ADAMTS6: variants seen among roughly 807,000 people sequenced by gnomAD.
ADAMTS6 encodes ADAM metallopeptidase with thrombospondin type 1 motif 6.
ADAMTS6 carries 23 observed loss-of-function variants against 144.3 expected under a neutral mutation model. The ratio of observed to expected loss-of-function variants is 0.16; its 90% CI spans 0.11 to 0.23. ADAMTS6 has a LOEUF of 0.23. Ranked by LOEUF, ADAMTS6 falls within the 10% of genes least tolerant of loss-of-function variation. The pLI, the probability that ADAMTS6 is intolerant of heterozygous loss-of-function variation, is 1.00. For missense variants in ADAMTS6, 999 were observed against 1,379.6 expected, an observed-to-expected ratio of 0.72 and a Z score of 4.37; for synonymous variants, 444 against 457.5, an observed-to-expected ratio of 0.97 and a Z score of 0.38.
chr5:65,215,183 C>T, intron 19 of ADAMTS6, 141 bp downstream of exon 19: 2 of 1,109,902 alleles, frequency 1.8e-6, no homozygotes, highest in South Asian at 1.6e-5. Context: ...CTGCACAGCT[C>T]TAACACCCTT....
At chr5:65,458,955 CCTATG>C (rs1391290691) in intron 4 of ADAMTS6, among the ~76,000 whole-genome samples, 2 of 152,092 alleles carry the variant, frequency 1.3e-5, no homozygotes, top group Admixed American at 6.5e-5. Flanking sequence ...GGTAATTCGT[CCTATG>C]CTATATCAAA....
At position 65,389,079 on chromosome 5, in the gene ADAMTS6, C is replaced by T. The variant is rs6875724; in HGVS notation, c.1074-54994G>A. Among the ~76,000 whole-genome samples, 949 of 152,276 alleles carry T rather than the reference C, an allele frequency of 6.2e-3. 15 individuals carry two copies. The highest frequency in any genetic ancestry group is 0.022 in the African/African-American group (910 of 41,568). On this transcript the variant is annotated intron_variant, in intron 7 of 24. Coordinates refer to ENST00000381055, the MANE Select transcript of ADAMTS6 (RefSeq NM_197941.4). ...ATTAGCCGGGCGTGGTGGCGGACGC[C>T]TGTAGTCCCAGCTACTCGCGAGGCT... is the stretch of plus-strand genomic sequence containing the variant.
chr5:65,185,768 T>G (rs1192749865), intron 22 of ADAMTS6, among the ~76,000 whole-genome samples: 1 of 152,216 alleles, frequency 6.6e-6, no homozygotes, highest in Non-Finnish European at 1.5e-5. Flanking sequence ...TATGTGAAGT[T>G]GAATTCTGAA....
At chr5:65,208,262 C>T (rs755438701) in intron 20 of ADAMTS6, among the ~76,000 whole-genome samples, 21 of 152,192 alleles carry the variant, frequency 1.4e-4, no homozygotes, top group Admixed American at 2.6e-4. Context: ...TCAACCGGGG[C>T]TGTATGTTAG....
chr5:65,481,284 G>C (rs965747094), intron 1 of ADAMTS6, 59 bp downstream of exon 1: 1 of 145,570 alleles, frequency 6.9e-6, no homozygotes, highest in Non-Finnish European at 1.5e-5. Context: ...GACAAGCAAA[G>C]CACAAGTTGT....
rs538035647 is a variant in ADAMTS6 at position 65,388,932 on chromosome 5, G to A, written c.1074-54847C>T. Among the ~76,000 whole-genome samples the A allele has an allele frequency of 3.2e-3, 487 of 152,304 alleles. 3 individuals are homozygous for A. Among genetic ancestry groups the A allele is most frequent in the African/African-American group, 0.011 (465 of 41,568 alleles). On this transcript the variant is annotated intron_variant, in intron 7 of 24. Coordinates refer to ENST00000381055, the MANE Select transcript of ADAMTS6 (RefSeq NM_197941.4). ...ATAGAAATGAAGGTTTCCAGGCCGG[G>A]CGCAGTGGCTCAAGCCTGTAATCCC...
intron 20 of ADAMTS6, among the ~76,000 whole-genome samples, chr5:65,198,200 C>T (rs1313629714): frequency 6.6e-6 from 1 of 152,138 alleles, no homozygotes; most frequent in Non-Finnish European, 1.5e-5. Context: ...CCCCACTCAC[C>T]CACCCCATCT....
At position 65,417,815 on chromosome 5, in the gene ADAMTS6, G is replaced by T. The variant is rs568056480; in HGVS notation, c.1073+33660C>A. Reference sequence around the variant, plus strand: ...GCCATACTGCCCAAAGCAATCTATGGATTCAATGCTATTCCTATCAAACTA... The same window carrying T: ...GCCATACTGCCCAAAGCAATCTATGTATTCAATGCTATTCCTATCAAACTA... On this transcript the variant is annotated intron_variant, in intron 7 of 24. Coordinates refer to ENST00000381055, the MANE Select transcript of ADAMTS6 (RefSeq NM_197941.4). Among the ~76,000 whole-genome samples the T allele has an allele frequency of 5.2e-3, 795 of 152,236 alleles. 2 individuals carry two copies. The highest frequency in any genetic ancestry group is 8.2e-3 in the Non-Finnish European group (560 of 68,022).
At chr5:65,208,205 A>ATT (rs1167871269) in intron 20 of ADAMTS6, among the ~76,000 whole-genome samples, 1 of 152,178 alleles carries the variant, frequency 6.6e-6, no homozygotes, top group Non-Finnish European at 1.5e-5. Context: ...CTGAATGTTA[A>ATT]TTTTTTGAAG....
At chr5:65,430,535 C>T (rs902108259) in intron 7 of ADAMTS6, among the ~76,000 whole-genome samples, 14 of 152,124 alleles carry the variant, frequency 9.2e-5, no homozygotes, top group Non-Finnish European at 1.6e-4. Context: ...CAGACAAGAC[C>T]TATAAACTTT....
At chr5:65,460,427 A>G in intron 3 of ADAMTS6, 89 bp from the exon 4 acceptor site, 3 of 1,227,280 alleles carry the variant, frequency 2.4e-6, no homozygotes, top group Non-Finnish European at 3.4e-6. Context: ...GTAAATGGAC[A>G]CTTCTCCATT....
Position 65,253,151 on chromosome 5 carries a change from G to C in ADAMTS6, c.1830+7449C>G, listed in dbSNP as rs186903683. On this transcript the variant is annotated intron_variant, in intron 14 of 24. Coordinates refer to ENST00000381055, the MANE Select transcript of ADAMTS6 (RefSeq NM_197941.4). ...GATCCACCCGCCTCCGCCTCCCAAAGTGCTGGGATTGATTACAGCTGTGAG... is the reference window on the plus strand; with the variant it reads ...GATCCACCCGCCTCCGCCTCCCAAACTGCTGGGATTGATTACAGCTGTGAG... Among the ~76,000 whole-genome samples the C allele has an allele frequency of 1.0e-3, 155 of 152,240 alleles. No homozygotes were observed. In the East Asian group the frequency reaches 0.011, roughly 11 times the overall value.
intron 24 of ADAMTS6, among the ~76,000 whole-genome samples, chr5:65,158,232 G>T (rs1436124251): frequency 6.6e-6 from 1 of 152,054 alleles, no homozygotes; most frequent in Non-Finnish European, 1.5e-5. Flanking sequence ...AATACATCAG[G>T]TTCCACATTA....
chr5:65,224,146 A>C (rs551185114), intron 18 of ADAMTS6, among the ~76,000 whole-genome samples, 174 bp downstream of exon 18: 1 of 152,006 alleles, frequency 6.6e-6, no homozygotes, highest in South Asian at 2.1e-4. Flanking sequence ...TAAGCTATAA[A>C]CTCTAATTTT....
intron 7 of ADAMTS6, among the ~76,000 whole-genome samples, chr5:65,429,984 T>G (rs1025171941): frequency 6.6e-6 from 1 of 152,108 alleles, no homozygotes; most frequent in Non-Finnish European, 1.5e-5. Context: ...AAAATTATAT[T>G]TACTAATCTG....
intron 15 of ADAMTS6, among the ~76,000 whole-genome samples, chr5:65,233,698 T>C (rs761736849): frequency 2.0e-5 from 3 of 152,086 alleles, no homozygotes; most frequent in Non-Finnish European, 4.4e-5. Flanking sequence ...AAAATGTCCA[T>C]ACTTCCCAAA....
rs554846641 is a variant in ADAMTS6 at position 65,383,659 on chromosome 5, G to T, written c.1074-49574C>A. 2.0e-5 allele frequency among the ~76,000 whole-genome samples: 3 copies of T among 152,252 alleles called. No individual in the cohort carries two copies. The South Asian group carries it at 6.2e-4, about 32-fold the overall frequency. On this transcript the variant is annotated intron_variant, in intron 7 of 24. Transcript: ENST00000381055. ...ATGTGCCTGTGGCTCTCCCGGGCTG[G>T]AAATGCACTTTGATTCCTCTACTGC...
At position 65,262,933 on chromosome 5, in the gene ADAMTS6, A is replaced by G. The variant is rs763360845; in HGVS notation, c.1650T>C (p.Phe550=). ...CATCTATGCTCTGGGGCCAAGTGCCAAAAGGAACACAATCTCCCTGATAAC... is the reference window on the plus strand; with the variant it reads ...CATCTATGCTCTGGGGCCAAGTGCCGAAAGGAACACAATCTCCCTGATAAC... ...GWCYQGDCVP[F]GTWPQSIDGG... The change falls in exon 13 of 25, where the codon TTT becomes TTC. Residue 550 remains phenylalanine, a synonymous_variant. Coordinates refer to ENST00000381055, the MANE Select transcript of ADAMTS6 (RefSeq NM_197941.4). 6.2e-7 allele frequency: 1 copy of G among 1,613,776 alleles called. No homozygotes were observed. Among genetic ancestry groups the G allele is most frequent in the South Asian group, 1.1e-5 (1 of 91,070 alleles).
At chr5:65,264,339 C>G (rs1023887633) in intron 12 of ADAMTS6, among the ~76,000 whole-genome samples, 1 of 152,128 alleles carries the variant, frequency 6.6e-6, no homozygotes, top group East Asian at 1.9e-4. Flanking sequence ...CATTGGATTT[C>G]CACCTTCATA....
Sources: gnomAD v4.1 joint callset for allele counts (sites outside exome capture counted in the v4.1 genomes callset) on GRCh38, gnomAD v4.1.1 for gene constraint, MANE v1.5 for transcripts, NCBI Gene and HGNC (gene_info 2026-07-23, HGNC 2026-07-21) for gene names.